KIF3B: variants seen among roughly 807,000 people sequenced by gnomAD.
KIF3B encodes kinesin family member 3B, also known as kinesin-like protein KIF3B.
In KIF3B, 38 loss-of-function variants were observed where a neutral mutation model predicts 74.3. That is an observed-to-expected ratio of 0.51 (90% CI 0.39 to 0.67). KIF3B has a LOEUF of 0.67. Among genes scored for constraint, KIF3B ranks in the 30% least tolerant of loss-of-function variants. The probability of loss-of-function intolerance (pLI) is 0.00; values close to 1 mark genes in which losing one functional copy is unlikely to be tolerated. For missense variants in KIF3B, 649 were observed against 932.0 expected (o/e 0.70, Z 3.95); for synonymous variants, 326 against 342.5 (o/e 0.95, Z 0.53).
intron 5 of KIF3B, among the ~76,000 whole-genome samples, chr20:32,323,514 C>A (rs1390671178): frequency 6.6e-6 from 1 of 151,996 alleles, no homozygotes; most frequent in Non-Finnish European, 1.5e-5. Context: ...ATTCTCCTGC[C>A]TCGGCCTCCC....
chr20:32,282,361 A>T (rs2047646993), intron 1 of KIF3B, among the ~76,000 whole-genome samples: 1 of 152,160 alleles, frequency 6.6e-6, no homozygotes, highest in African/African-American at 2.4e-5. Flanking sequence ...CTCTGAAATG[A>T]TGAAAGGACT....
In KIF3B at chr20:32,331,613, C is replaced by A; in HGVS notation, c.*294C>A. 1 of 388,842 alleles carries A rather than the reference C, an allele frequency of 2.6e-6. No individual in the cohort carries two copies. Among genetic ancestry groups the A allele is most frequent in the Non-Finnish European group, 4.6e-6 (1 of 218,064 alleles). 24.1% of individuals were successfully genotyped at this position (388,842 alleles called of 1,614,324 possible). A position where few individuals can be genotyped will look rare whatever the true frequency, so the allele number is the denominator to read the frequency against. On this transcript the variant is annotated 3_prime_UTR_variant, in exon 9 of 9. Coordinates refer to ENST00000375712, the MANE Select transcript of KIF3B (RefSeq NM_004798.4). ...GACCAGTGACCTTGCTTCCTTCCCC[C>A]TTGCCTTCTTCTCCCCCTTCCCCTG... is the stretch of plus-strand genomic sequence containing the variant.
At chr20:32,312,677 C>G (rs2047807194) in intron 2 of KIF3B, among the ~76,000 whole-genome samples, 1 of 152,218 alleles carries the variant, frequency 6.6e-6, no homozygotes, top group Non-Finnish European at 1.5e-5. Flanking sequence ...TATTACTGTT[C>G]CAAGTATTCC....
intron 1 of KIF3B, among the ~76,000 whole-genome samples, chr20:32,298,091 G>A (rs2047724669): frequency 7.0e-6 from 1 of 142,658 alleles, no homozygotes; most frequent in Non-Finnish European, 1.5e-5. Flanking sequence ...GCCTGGACAA[G>A]AGTAAAACTC....
At chr20:32,326,428 G>A (rs887435027) in intron 5 of KIF3B, among the ~76,000 whole-genome samples, 1 of 152,118 alleles carries the variant, frequency 6.6e-6, no homozygotes, top group Non-Finnish European at 1.5e-5. Context: ...GGTAGCAAAT[G>A]TTCACTCCAA....
chr20:32,317,734 C>A (rs1270608287), intron 5 of KIF3B, among the ~76,000 whole-genome samples: 1 of 150,712 alleles, frequency 6.6e-6, no homozygotes, highest in Admixed American at 6.6e-5. Context: ...AACTTGTGGG[C>A]TCAAACAGTC....
rs35797269 is a variant in KIF3B, at chr20:32,322,660, TTA to T, written c.1749-4101_1749-4100del. ...TATTTATATATATATTTTTATATAT[TTA>T]TATATATATTTATATATTTATATAT... is the stretch of plus-strand genomic sequence containing the variant. On this transcript the variant is annotated intron_variant, in intron 5 of 8. Transcript: ENST00000375712. Among the ~76,000 whole-genome samples the T allele has an allele frequency of 6.2e-3, 361 of 58,384 alleles. 9 individuals carry two copies. The highest frequency in any genetic ancestry group is 0.057 in the East Asian group (17 of 296). 38.3% of individuals were successfully genotyped at this position (58,384 alleles called of 152,430 possible).
intron 1 of KIF3B, among the ~76,000 whole-genome samples, chr20:32,307,269 T>C (rs898531264): frequency 2.0e-5 from 3 of 152,222 alleles, no homozygotes; most frequent in Admixed American, 1.3e-4. Context: ...CTTGGTGTTA[T>C]AGCTTCCATT....
At chr20:32,314,917 C>G (rs145736937) in intron 2 of KIF3B, among the ~76,000 whole-genome samples, 44 of 152,324 alleles carry the variant, frequency 2.9e-4, no homozygotes, top group African/African-American at 9.4e-4. Flanking sequence ...TCAGAGCCTG[C>G]TCTTGCCTTC....
chr20:32,321,920 C>T (rs1265587236), intron 5 of KIF3B, among the ~76,000 whole-genome samples: 1 of 152,054 alleles, frequency 6.6e-6, no homozygotes, highest in African/African-American at 2.4e-5. Flanking sequence ...CACTGGGAAA[C>T]CAAAAAATTG....
chr20:32,305,795 G>C (rs2047767682), intron 1 of KIF3B, among the ~76,000 whole-genome samples: 1 of 151,308 alleles, frequency 6.6e-6, no homozygotes, highest in South Asian at 2.1e-4. Context: ...TGTTGGCCAG[G>C]CTGGTCTCGA....
chr20:32,292,500 G>C (rs529569442), intron 1 of KIF3B, among the ~76,000 whole-genome samples: 1 of 151,000 alleles, frequency 6.6e-6, no homozygotes, highest in African/African-American at 2.4e-5. Context: ...CACTTTGGGA[G>C]GCTGAGGTGG....
chr20:32,314,763 C>T (rs1010664265), intron 2 of KIF3B, among the ~76,000 whole-genome samples: 17 of 152,102 alleles, frequency 1.1e-4, no homozygotes, highest in Admixed American at 5.2e-4. Context: ...GCTTCAGCCC[C>T]TATCAAAATG....
intron 1 of KIF3B, among the ~76,000 whole-genome samples, chr20:32,286,423 A>G (rs1362094062): frequency 6.6e-6 from 1 of 152,240 alleles, no homozygotes; most frequent in Non-Finnish European, 1.5e-5. Flanking sequence ...ATATCAGTTC[A>G]AGTTACCTAA....
rs187759489 is a variant in KIF3B, at chr20:32,310,776, T to C, written c.999T>C (p.Tyr333=). The C allele has an allele frequency of 2.7e-5, 43 of 1,614,138 alleles. No individual in the cohort carries two copies. The East Asian group carries it at 9.6e-4, about 36-fold the overall frequency. ...AAGAGACTCTGACCACTCTGCGATA[T>C]GCCAACCGTGCCAAAAACATTAAGA... ...NVEETLTTLR[Y]ANRAKNIKNK... The change falls in exon 2 of 9, where the codon TAT becomes TAC. Residue 333 remains tyrosine, a synonymous_variant. Transcript: ENST00000375712. The surrounding 1 kb of genome is among the most constrained non-coding windows in gnomAD (Gnocchi z 6.5).
intron 1 of KIF3B, among the ~76,000 whole-genome samples, chr20:32,282,454 A>G (rs1189632691): frequency 6.6e-6 from 1 of 152,198 alleles, no homozygotes; most frequent in Non-Finnish European, 1.5e-5. Flanking sequence ...TATAAGCATC[A>G]TACTTTATAG....
chr20:32,327,500 G>A lies in KIF3B; in HGVS notation c.1863-56G>A, dbSNP rs562623115. The A allele has an allele frequency of 9.8e-6, 14 of 1,434,640 alleles. No individual in the cohort carries two copies. In the Admixed American group the frequency reaches 1.0e-4, roughly 10 times the overall value. The allele number at this position is 1,434,640 out of a possible 1,614,324, so 88.9% of individuals were successfully genotyped here. A position where few individuals can be genotyped will look rare whatever the true frequency, so the allele number is the denominator to read the frequency against. On this transcript the variant is annotated intron_variant, in intron 6 of 8. Transcript: ENST00000375712. Reference sequence around the variant, plus strand: ...GCTTCAGGTTCTGTCAGTGTCTTCCGAGTGCTGGTTCCACAGGACTCCAGC... The same window carrying A: ...GCTTCAGGTTCTGTCAGTGTCTTCCAAGTGCTGGTTCCACAGGACTCCAGC...
At chr20:32,297,742 G>T (rs78888565) in intron 1 of KIF3B, among the ~76,000 whole-genome samples, 2,847 of 152,114 alleles carry the variant, frequency 0.019, 86 homozygotes, top group Admixed American at 0.084. Flanking sequence ...TCCTATTGCT[G>T]CCACTTGGGG....
In KIF3B at chr20:32,311,140, C is replaced by G. The variant is rs769624947; in HGVS notation, c.1363C>G (p.Arg455Gly). 1 of 1,612,422 alleles carries G rather than the reference C, an allele frequency of 6.2e-7. No individual in the cohort carries two copies. Among genetic ancestry groups the G allele is most frequent in the Non-Finnish European group, 8.5e-7 (1 of 1,179,434 alleles). ...AGAGAAAAAGATGGAGGACCTGCGG[C>G]GGGAGAAGGATGCTGCCGAGATGCT... is the stretch of plus-strand genomic sequence containing the variant. ...EKEKKMEDLR[R>G]EKDAAEMLGA... Residue 455 changes from arginine to glycine, a missense_variant, in exon 2 of 9, where the codon CGG becomes GGG. Arg to Gly is a moderately radical substitution (Grantham distance 125). Coordinates refer to ENST00000375712, the MANE Select transcript of KIF3B (RefSeq NM_004798.4).
Sources: gnomAD v4.1 joint callset for allele counts (sites outside exome capture counted in the v4.1 genomes callset) on GRCh38, gnomAD v4.1.1 for gene constraint, Gnocchi (gnomAD v3.1) non-coding constraint, MANE v1.5 for transcripts, NCBI Gene and HGNC (gene_info 2026-07-23, HGNC 2026-07-21) for gene names.